NLGN1: variants seen among roughly 807,000 people sequenced by gnomAD.
NLGN1 encodes neuroligin-1.
Under a neutral mutation model 65.5 loss-of-function variants are expected in NLGN1, and 12 were observed. The observed-to-expected ratio is 0.18, with a 90% CI of 0.12 to 0.30. NLGN1 has a LOEUF of 0.30. Among genes scored for constraint, NLGN1 ranks in the 10% least tolerant of loss-of-function variants. The pLI is 1.00. For synonymous variants in NLGN1, 350 were observed against 359.5 expected (o/e 0.97, Z 0.30); for missense variants, 750 against 1,007.1 (o/e 0.74, Z 3.46).
At chr3:173,421,619 C>T (rs1021365461) in intron 1 of NLGN1, among the ~76,000 whole-genome samples, 5 of 151,812 alleles carry the variant, frequency 3.3e-5, no homozygotes, top group African/African-American at 1.2e-4. Flanking sequence ...GTTCTTCTGC[C>T]TCAGTCTGGG....
At chr3:173,638,027 TAG>T (rs896953373) in intron 3 of NLGN1, among the ~76,000 whole-genome samples, 7 of 152,332 alleles carry the variant, frequency 4.6e-5, no homozygotes, top group African/African-American at 1.7e-4. Flanking sequence ...TAGATTTTAA[TAG>T]AGATATTTAC....
intron 2 of NLGN1, among the ~76,000 whole-genome samples, chr3:173,575,035 C>A (rs1745287154): frequency 6.6e-6 from 1 of 152,052 alleles, no homozygotes; most frequent in South Asian, 2.1e-4. Flanking sequence ...CAGTCTCATG[C>A]CACCATGCCG....
chr3:174,287,042 TTAAA>T (rs1299692160), downstream of NLGN1, among the ~76,000 whole-genome samples: 1 of 151,612 alleles, frequency 6.6e-6, no homozygotes, highest in South Asian at 2.1e-4. Flanking sequence ...GCAAAGGAAT[TTAAA>T]TAAATCCCTT....
chr3:173,612,024 A>G (rs188944491), intron 3 of NLGN1, among the ~76,000 whole-genome samples: 83 of 152,090 alleles, frequency 5.5e-4, no homozygotes, highest in African/African-American at 6.5e-4. Flanking sequence ...GTTGAGTTCT[A>G]TATTACTCAC....
chr3:174,005,255 A>G (rs1344206984), intron 4 of NLGN1, among the ~76,000 whole-genome samples: 1 of 152,156 alleles, frequency 6.6e-6, no homozygotes, highest in Non-Finnish European at 1.5e-5. Context: ...GTTTTATTAT[A>G]ATCTATGACC....
At chr3:173,807,916 CT>C (rs1340502691) in intron 4 of NLGN1, 84 bp downstream of exon 4, 2 of 1,382,644 alleles carry the variant, frequency 1.4e-6, no homozygotes, top group Admixed American at 3.6e-5. Context: ...TTCTGCTTTG[CT>C]TTGTTTCACC....
At chr3:173,446,291 A>G (rs1319673635) in intron 2 of NLGN1, among the ~76,000 whole-genome samples, 1 of 137,750 alleles carries the variant, frequency 7.3e-6, no homozygotes, top group Non-Finnish European at 1.5e-5. Flanking sequence ...TTCAATTCCC[A>G]CCTATGAGTG....
intron 4 of NLGN1, among the ~76,000 whole-genome samples, chr3:174,250,054 C>A (rs1457642475): frequency 6.6e-6 from 1 of 151,378 alleles, no homozygotes; most frequent in Non-Finnish European, 1.5e-5. Context: ...ATATTTTGTT[C>A]AAAAAAAAGA....
chr3:173,565,747 C>T (rs1743547684), intron 2 of NLGN1, among the ~76,000 whole-genome samples: 1 of 152,038 alleles, frequency 6.6e-6, no homozygotes, highest in Admixed American at 6.5e-5. Flanking sequence ...CCCCCAAATG[C>T]TTTGAAAGAC....
At chr3:174,284,211 C>T (rs959517926) in exon 7 of NLGN1, 5 of 151,394 alleles carry the variant, frequency 3.3e-5, no homozygotes, top group Middle Eastern at 3.4e-3. Flanking sequence ...GTTCACCAGT[C>T]ACGTGATAAA....
rs550980161 is a variant in NLGN1 at position 173,568,706 on chromosome 3, C to T, written c.-320-35573C>T. ...TGTTTGTTTGTTTGAGATGGAATCT[C>T]GCTCTGTTGCCCAGGCTGGAGTGCA... On this transcript the variant is annotated intron_variant, in intron 2 of 6. Transcript: ENST00000457714. Among the ~76,000 whole-genome samples the T allele has an allele frequency of 7.3e-5, 11 of 151,092 alleles. No homozygotes were observed. The East Asian group carries it at 1.0e-3, about 14-fold the overall frequency.
intron 4 of NLGN1, among the ~76,000 whole-genome samples, chr3:174,209,036 C>T (rs982356667): frequency 6.6e-6 from 1 of 152,040 alleles, no homozygotes; most frequent in Non-Finnish European, 1.5e-5. Context: ...ATCCTCCCAC[C>T]TCAGCCTCCC....
At chr3:174,202,698 C>G (rs116007368) in intron 4 of NLGN1, 1 of 152,228 alleles carries the variant, frequency 6.6e-6, no homozygotes, top group African/African-American at 2.4e-5. Flanking sequence ...CCCATGGCAA[C>G]AGAGATGCAA....
At chr3:174,059,324 G>A (rs897221220) in intron 4 of NLGN1, among the ~76,000 whole-genome samples, 4 of 152,224 alleles carry the variant, frequency 2.6e-5, no homozygotes, top group African/African-American at 9.6e-5. Context: ...AGCCTCAAAG[G>A]CAACTTTGAA....
intron 4 of NLGN1, among the ~76,000 whole-genome samples, chr3:174,142,186 G>A (rs2152690245): frequency 6.6e-6 from 1 of 152,206 alleles, no homozygotes; most frequent in Middle Eastern, 3.4e-3. Flanking sequence ...GCATACTCTT[G>A]TTTAATAACT....
At chr3:174,083,400 G>A (rs952616027) in intron 4 of NLGN1, among the ~76,000 whole-genome samples, 3 of 151,906 alleles carry the variant, frequency 2.0e-5, no homozygotes, top group Admixed American at 1.3e-4. Context: ...ATAGTGTCTC[G>A]CACATAGTAG....
At chr3:174,001,569 CCT>C (rs1393935541) in intron 4 of NLGN1, among the ~76,000 whole-genome samples, 1 of 152,098 alleles carries the variant, frequency 6.6e-6, no homozygotes, top group Admixed American at 6.6e-5. Flanking sequence ...AGGATAGTCC[CCT>C]GAGTCAAAAG....
intron 4 of NLGN1, among the ~76,000 whole-genome samples, chr3:173,988,351 G>C (rs1374626261): frequency 6.6e-6 from 1 of 152,138 alleles, no homozygotes; most frequent in East Asian, 1.9e-4. Flanking sequence ...GTGTGTGTTA[G>C]ATACAAGCTC....
chr3:173,716,201 A>G (rs944616277), intron 3 of NLGN1, among the ~76,000 whole-genome samples: 8 of 152,182 alleles, frequency 5.3e-5, no homozygotes, highest in African/African-American at 1.9e-4. Context: ...ATTTGAAGGA[A>G]TTAATCTTTA....
Sources: allele counts gnomAD v4.1 joint callset (sites outside exome capture counted in the v4.1 genomes callset), GRCh38; gene constraint gnomAD v4.1.1; transcripts MANE v1.5; gene names NCBI Gene and HGNC (gene_info 2026-07-23, HGNC 2026-07-21).